Variants in PTPRD observed in about 807,000 individuals in gnomAD.
PTPRD encodes the protein protein tyrosine phosphatase receptor type D, also known as receptor-type tyrosine-protein phosphatase delta.
Under a neutral mutation model 214.5 loss-of-function variants are expected in PTPRD, and 34 were observed. That is an observed-to-expected ratio of 0.16 (90% CI 0.12 to 0.21). The LOEUF is 0.21. Among genes scored for constraint, PTPRD ranks in the 10% least tolerant of loss-of-function variants. The pLI is 1.00. For missense variants in PTPRD, 2,545 were observed against 2,398.7 expected, an observed-to-expected ratio of 1.06 and a Z score of -1.27; for synonymous variants, 1,128 against 845.7, an observed-to-expected ratio of 1.33 and a Z score of -5.79.
intron 7 of PTPRD, among the ~76,000 whole-genome samples, chr9:9,678,706 C>T (rs563404135): frequency 6.6e-6 from 1 of 151,502 alleles, no homozygotes; most frequent in Non-Finnish European, 1.5e-5. Flanking sequence ...AAAAACAAAA[C>T]TCTAAAAAAA....
At chr9:9,329,783 A>C (rs2041611098) in intron 9 of PTPRD, among the ~76,000 whole-genome samples, 1 of 152,202 alleles carries the variant, frequency 6.6e-6, no homozygotes, top group African/African-American at 2.4e-5. Flanking sequence ...CATATTGAAA[A>C]CTAAACTTGC....
chr9:8,370,237 C>CAT (rs977579355), intron 39 of PTPRD, among the ~76,000 whole-genome samples: 2 of 44,538 alleles, frequency 4.5e-5, no homozygotes, highest in East Asian at 1.5e-3. Flanking sequence ...CACACACACA[C>CAT]ATATATATAT....
At chr9:10,339,870 T>C (rs1426249764) in intron 3 of PTPRD, among the ~76,000 whole-genome samples, 1 of 151,754 alleles carries the variant, frequency 6.6e-6, no homozygotes, top group East Asian at 1.9e-4. Flanking sequence ...AAAAATATAA[T>C]TTTGAAAATT....
At chr9:9,532,101 G>A (rs888634972) in intron 8 of PTPRD, among the ~76,000 whole-genome samples, 4 of 151,802 alleles carry the variant, frequency 2.6e-5, no homozygotes, top group Non-Finnish European at 2.9e-5. Flanking sequence ...TATGGTTCTC[G>A]ACCTTAAAAA....
At chr9:8,693,421 C>A (rs545684125) in intron 12 of PTPRD, among the ~76,000 whole-genome samples, 16 of 152,300 alleles carry the variant, frequency 1.1e-4, no homozygotes, top group Non-Finnish European at 2.1e-4. Flanking sequence ...TGGAAAGAAA[C>A]TGTATCCTAG....
At chr9:9,860,557 C>A (rs1013146722) in intron 5 of PTPRD, among the ~76,000 whole-genome samples, 2 of 152,192 alleles carry the variant, frequency 1.3e-5, no homozygotes, top group African/African-American at 4.8e-5. Flanking sequence ...TCTGCTGGTA[C>A]TACATTTGAT....
intron 14 of PTPRD, among the ~76,000 whole-genome samples, chr9:8,610,210 T>C (rs571883156): frequency 6.6e-6 from 1 of 152,348 alleles, no homozygotes; most frequent in South Asian, 2.1e-4. Flanking sequence ...AGTGCACCCA[T>C]CTATTTCAAA....
chr9:8,339,158 T>C (rs1849892280), intron 42 of PTPRD, 111 bp from the exon 43 acceptor site: 3 of 1,210,224 alleles, frequency 2.5e-6, no homozygotes, highest in South Asian at 2.1e-5. Flanking sequence ...TAATAAAATT[T>C]CAAAATTCAA....
chr9:8,481,524 G>C lies in PTPRD; in HGVS notation c.3413+2595C>G, dbSNP rs545100976. On this transcript the variant is annotated intron_variant, in intron 30 of 45. Coordinates refer to ENST00000381196, the MANE Select transcript of PTPRD (RefSeq NM_002839.4). Reference sequence around the variant, plus strand: ...ATCTGCTTTAAGTTTTCTGGAGTTTGGGGAGTTTTTGACCACTTTTTGAAT... The same window carrying C: ...ATCTGCTTTAAGTTTTCTGGAGTTTCGGGAGTTTTTGACCACTTTTTGAAT... Among the ~76,000 whole-genome samples, 31 of 152,114 alleles carry C rather than the reference G, an allele frequency of 2.0e-4. 1 individual carries two copies. In the South Asian group the frequency reaches 6.4e-3, roughly 32 times the overall value.
At chr9:10,416,168 T>C (rs2098485231) in intron 2 of PTPRD, among the ~76,000 whole-genome samples, 1 of 150,846 alleles carries the variant, frequency 6.6e-6, no homozygotes, top group Non-Finnish European at 1.5e-5. Flanking sequence ...GCCAACATGG[T>C]GAAACCCCAC....
At chr9:10,566,580 T>A (rs920224147) in intron 2 of PTPRD, among the ~76,000 whole-genome samples, 1 of 152,052 alleles carries the variant, frequency 6.6e-6, no homozygotes, top group Non-Finnish European at 1.5e-5. Context: ...TTCTGTATAT[T>A]AGTTAATTAG....
intron 7 of PTPRD, among the ~76,000 whole-genome samples, chr9:9,692,786 A>T (rs944649056): frequency 1.3e-5 from 2 of 151,726 alleles, no homozygotes; most frequent in Non-Finnish European, 2.9e-5. Context: ...CATTTTTTTT[A>T]GTGGCCTCTT....
intron 2 of PTPRD, among the ~76,000 whole-genome samples, chr9:10,544,319 A>T (rs954913893): frequency 6.6e-6 from 1 of 152,192 alleles, no homozygotes; most frequent in Admixed American, 6.6e-5. Context: ...AGAGGTTTAT[A>T]TAAATGAGAA....
At chr9:8,529,221 C>T (rs1005241949) in intron 14 of PTPRD, among the ~76,000 whole-genome samples, 4 of 151,884 alleles carry the variant, frequency 2.6e-5, no homozygotes, top group African/African-American at 4.8e-5. Flanking sequence ...AAGGTTTTGC[C>T]GAGAGAGAAG....
At chr9:9,995,081 T>C (rs748389713) in intron 4 of PTPRD, among the ~76,000 whole-genome samples, 5 of 152,152 alleles carry the variant, frequency 3.3e-5, no homozygotes, top group Non-Finnish European at 7.4e-5. Context: ...ATTAATCTAA[T>C]CTCTTTACTA....
chr9:8,382,985 AG>A (rs1305518756), intron 37 of PTPRD, among the ~76,000 whole-genome samples: 4 of 152,202 alleles, frequency 2.6e-5, no homozygotes, highest in African/African-American at 9.6e-5. Context: ...ACAAACCAGA[AG>A]GGCCAAGAAT....
chr9:8,329,090 C>T (rs10976956), intron 44 of PTPRD, among the ~76,000 whole-genome samples: 35,107 of 151,986 alleles, frequency 0.23, 4,393 homozygotes, highest in Middle Eastern at 0.4. Context: ...GAGTTGTGAT[C>T]CTTTGGAGGA....
At chr9:9,781,798 T>TTA in intron 5 of PTPRD, among the ~76,000 whole-genome samples, 1 of 144,320 alleles carries the variant, frequency 6.9e-6, no homozygotes, top group African/African-American at 2.5e-5. Context: ...TGGACTCATA[T>TTA]TTTTTTTTTT....
intron 14 of PTPRD, among the ~76,000 whole-genome samples, chr9:8,583,190 T>C (rs1330205039): frequency 1.3e-5 from 2 of 152,146 alleles, no homozygotes; most frequent in African/African-American, 4.8e-5. Context: ...ATCTAACGCC[T>C]CCACTGATCT....
Sources: allele counts gnomAD v4.1 joint callset (sites outside exome capture counted in the v4.1 genomes callset), GRCh38; gene constraint gnomAD v4.1.1; transcripts MANE v1.5; gene names NCBI Gene and HGNC (gene_info 2026-07-23, HGNC 2026-07-21).